The following MYH7B variants were observed in gnomAD, a reference collection of about 807,000 sequenced individuals.
The protein encoded by MYH7B is myosin-7B.
In MYH7B, 205 loss-of-function variants were observed where a neutral mutation model predicts 234.5. That is an observed-to-expected ratio of 0.87 (90% CI 0.78 to 0.98). The LOEUF (loss-of-function observed/expected upper bound fraction) is 0.98, where lower values mean the gene tolerates loss of function less well. Among genes scored for constraint, MYH7B ranks in the 50% least tolerant of loss-of-function variants. MYH7B has a pLI of 0.00. For missense variants in MYH7B, 2,652 were observed against 2,633.4 expected (o/e 1.01, Z -0.15); for synonymous variants, 1,193 against 1,105.0 (o/e 1.08, Z -1.58).
chr20:34,987,441 C>T, intron 16 of MYH7B, 116 bp from the exon 17 acceptor site: 1 of 1,412,744 alleles, frequency 7.1e-7, no homozygotes, highest in Non-Finnish European at 9.7e-7. Context: ...GCTTTGTTTG[C>T]TAGCCCTGAA....
chr20:34,998,232 C>G, intron 32 of MYH7B, 63 bp from the exon 33 acceptor site: 3 of 1,586,250 alleles, frequency 1.9e-6, no homozygotes, highest in East Asian at 2.3e-5. Context: ...ATCCTGCCAT[C>G]TGATGCACAA....
intron 24 of MYH7B, among the ~76,000 whole-genome samples, chr20:34,992,111 C>A (rs142914233): frequency 3.3e-5 from 5 of 152,158 alleles, no homozygotes; most frequent in Non-Finnish European, 5.9e-5. Flanking sequence ...ATGGGCTGGG[C>A]GCGGTGGCTA....
chr20:34,964,971 T>C (rs1040035478), intron 2 of MYH7B, among the ~76,000 whole-genome samples: 14 of 148,338 alleles, frequency 9.4e-5, no homozygotes, highest in Non-Finnish European at 1.6e-4. Context: ...TGAACTCTTA[T>C]GTGCCAGGCA....
chr20:34,994,662 A>G (rs73269537), intron 27 of MYH7B, among the ~76,000 whole-genome samples: 6,705 of 152,222 alleles, frequency 0.044, 488 homozygotes, highest in African/African-American at 0.15. Context: ...CCTCCCTGCA[A>G]TCCCTGAAAC....
At chr20:34,999,003 G>A (rs899135766) in intron 35 of MYH7B, 53 bp from the exon 36 acceptor site, 15 of 1,582,078 alleles carry the variant, frequency 9.5e-6, no homozygotes, top group African/African-American at 2.7e-5. Context: ...GGAGCTGCTG[G>A]GGCTGTTCTC....
chr20:34,979,598 G>A (rs2081909369), intron 6 of MYH7B, 63 bp from the exon 7 acceptor site: 2 of 1,608,444 alleles, frequency 1.2e-6, no homozygotes, highest in Non-Finnish European at 1.7e-6. Flanking sequence ...GTGGGTGGGG[G>A]TGACAGGTGA....
chr20:34,970,555 G>T (rs905953383), intron 2 of MYH7B, among the ~76,000 whole-genome samples: 1 of 152,220 alleles, frequency 6.6e-6, no homozygotes, highest in Non-Finnish European at 1.5e-5. Flanking sequence ...AGCAGGGTGG[G>T]TGGGGGGTGA....
At chr20:34,993,493 G>A (rs1432889621) in intron 26 of MYH7B, 23 bp downstream of exon 26, 1 of 1,559,276 alleles carries the variant, frequency 6.4e-7, no homozygotes, top group Admixed American at 2.0e-5. Flanking sequence ...AGGAGGCTGG[G>A]GACAGGGTGT....
chr20:34,987,777 G>C (rs1263064162), exon 18 of MYH7B: 8 of 1,614,128 alleles, frequency 5.0e-6, no homozygotes, highest in Non-Finnish European at 5.9e-6. Flanking sequence ...GGTGTTTGCT[G>C]TGGGGGCTCT....
chr20:34,991,040 G>A (rs1413924214), exon 24 of MYH7B: 18 of 1,613,788 alleles, frequency 1.1e-5, no homozygotes, highest in East Asian at 2.2e-5. Context: ...CACCAGCTGC[G>A]CTGCAATGGG....
chr20:35,001,447 A>G (rs1206359638), exon 43 of MYH7B: 2 of 1,603,606 alleles, frequency 1.2e-6, no homozygotes, highest in Non-Finnish European at 1.7e-6. Flanking sequence ...GAGGACAGGA[A>G]GAACCTGGCT....
At chr20:34,987,455 G>A in intron 16 of MYH7B, 102 bp from the exon 17 acceptor site, 2 of 1,411,128 alleles carry the variant, frequency 1.4e-6, no homozygotes, top group East Asian at 2.3e-5. Context: ...CCCTGAACTT[G>A]ACCCCTCTTA....
At chr20:34,957,022 C>T (rs914198030) in intron 1 of MYH7B, among the ~76,000 whole-genome samples, 1 of 152,196 alleles carries the variant, frequency 6.6e-6, no homozygotes, top group Admixed American at 6.5e-5. Flanking sequence ...CTGCAGCACT[C>T]CTGCCTGGGT....
At chr20:34,980,441 C>A in intron 7 of MYH7B, 137 bp from the exon 8 acceptor site, 1 of 750,848 alleles carries the variant, frequency 1.3e-6, no homozygotes, top group Non-Finnish European at 2.3e-6. Context: ...CCTAGCTACC[C>A]TGGGAGGCTG....
At chr20:34,971,174 A>G (rs1418005145) in intron 2 of MYH7B, among the ~76,000 whole-genome samples, 1 of 152,110 alleles carries the variant, frequency 6.6e-6, no homozygotes, top group African/African-American at 2.4e-5. Flanking sequence ...AATTCACTGT[A>G]TGACATCAAG....
At chr20:34,996,556 G>GGCCGGGGTGCCGGC (rs1569057882) in intron 29 of MYH7B, 34 bp downstream of exon 29, 16 of 1,602,360 alleles carry the variant, frequency 1.0e-5, no homozygotes, top group Non-Finnish European at 1.4e-5. Flanking sequence ...TGGGTGGCGG[G>GGCCGGGGTGCCGGC]GCCGGGGTGC....
At chr20:34,967,034 G>A (rs978052338) in intron 2 of MYH7B, among the ~76,000 whole-genome samples, 1 of 151,698 alleles carries the variant, frequency 6.6e-6, no homozygotes, top group Non-Finnish European at 1.5e-5. Context: ...TTCGAGACCA[G>A]CCTAGCCAAC....
intron 1 of MYH7B, among the ~76,000 whole-genome samples, chr20:34,957,545 A>C (rs1405242576): frequency 2.3e-5 from 3 of 132,638 alleles, no homozygotes; most frequent in African/African-American, 8.7e-5. Context: ...GCTGGAGTGC[A>C]GTGGCACGAT....
At position 34,997,063 on chromosome 20, in the gene MYH7B, A is replaced by G. The variant is rs747921458; in HGVS notation, c.3267-20A>G. Reference sequence around the variant, plus strand: ...GTGGGAGTTAAGGCCTGTGCTGGCCACCCACTCTGTGGCTCCCAGGAAGGA... The same window carrying G: ...GTGGGAGTTAAGGCCTGTGCTGGCCGCCCACTCTGTGGCTCCCAGGAAGGA... On this transcript the variant is annotated intron_variant, in intron 30 of 44. Coordinates refer to ENST00000262873, the Ensembl canonical transcript of MYH7B. The G allele has an allele frequency of 1.1e-5, 17 of 1,533,574 alleles. No individual in the cohort carries two copies. In the East Asian group the frequency reaches 4.0e-4, roughly 36 times the overall value. 95.0% of individuals were successfully genotyped at this position (1,533,574 alleles called of 1,614,324 possible).
Sources: allele counts gnomAD v4.1 joint callset (sites outside exome capture counted in the v4.1 genomes callset), GRCh38; gene constraint gnomAD v4.1.1; transcripts MANE v1.5; gene names NCBI Gene and HGNC (gene_info 2026-07-23, HGNC 2026-07-21).